TBC1D14: variants seen among roughly 807,000 people sequenced by gnomAD.
TBC1D14 encodes TBC1 domain family, member 14.
TBC1D14 carries 26 observed loss-of-function variants against 79.0 expected under a neutral mutation model. The ratio of observed to expected loss-of-function variants is 0.33; its 90% CI spans 0.24 to 0.46. TBC1D14 has a LOEUF of 0.46. Among genes scored for constraint, TBC1D14 ranks in the 20% least tolerant of loss-of-function variants. The pLI, the probability that TBC1D14 is intolerant of heterozygous loss-of-function variation, is 1.00. For missense variants in TBC1D14, 769 were observed against 887.6 expected, an observed-to-expected ratio of 0.87 and a Z score of 1.70; for synonymous variants, 394 against 349.9, an observed-to-expected ratio of 1.13 and a Z score of -1.40.
chr4:6,945,333 G>A (rs1195894807), intron 2 of TBC1D14, among the ~76,000 whole-genome samples: 1 of 152,106 alleles, frequency 6.6e-6, no homozygotes, highest in Non-Finnish European at 1.5e-5. Context: ...CTGTAAGGCA[G>A]GTGTTTACAG....
chr4:6,991,634 G>T (rs184574499), intron 3 of TBC1D14, among the ~76,000 whole-genome samples: 1 of 152,204 alleles, frequency 6.6e-6, no homozygotes, highest in African/African-American at 2.4e-5. Context: ...GGTACAGCGT[G>T]TCCTTGTGCA....
rs1476010588 is a variant in TBC1D14, at chr4:6,954,300, C to T, written c.723-13004C>T. Reference sequence around the variant, plus strand: ...CTCGGAGCTGCGAGGTCACAGTAGACATGATGGCCATCTCCCCTGCGCTCC... The same window carrying T: ...CTCGGAGCTGCGAGGTCACAGTAGATATGATGGCCATCTCCCCTGCGCTCC... On this transcript the variant is annotated intron_variant, in intron 2 of 13. Transcript: ENST00000409757. The T allele has an allele frequency of 1.5e-5, 11 of 717,416 alleles. No homozygotes were observed. In the Admixed American group the frequency reaches 1.8e-4, roughly 12 times the overall value. The allele number at this position is 717,416 out of a possible 1,614,324, so 44.4% of individuals were successfully genotyped here. A position where few individuals can be genotyped will look rare whatever the true frequency, so the allele number is the denominator to read the frequency against.
rs768047601 is a variant in TBC1D14 at position 7,014,401 on chromosome 4, A to G, written c.1648-47A>G. The G allele has an allele frequency of 1.7e-5, 22 of 1,325,372 alleles. No individual in the cohort carries two copies. The Admixed American group carries it at 3.7e-4, about 22-fold the overall frequency. The allele number at this position is 1,325,372 out of a possible 1,614,324, so 82.1% of individuals were successfully genotyped here. A position where few individuals can be genotyped will look rare whatever the true frequency, so the allele number is the denominator to read the frequency against. ...ATATATTGACTTTTTTGTAAATTGA[A>G]AACTTGTGCAGATAGTTTCTGAGTA... On this transcript the variant is annotated intron_variant, in intron 11 of 13. Coordinates refer to ENST00000409757, the MANE Select transcript of TBC1D14 (RefSeq NM_020773.3).
chr4:6,976,338 CAAAAT>C (rs1204308950), intron 3 of TBC1D14, among the ~76,000 whole-genome samples: 2 of 151,938 alleles, frequency 1.3e-5, no homozygotes, highest in African/African-American at 4.8e-5. Flanking sequence ...GGCCGCCAAA[CAAAAT>C]AAACTCTAAA....
At chr4:7,021,366 G>A (rs1013126224) in intron 12 of TBC1D14, among the ~76,000 whole-genome samples, 5 of 152,224 alleles carry the variant, frequency 3.3e-5, no homozygotes, top group African/African-American at 9.6e-5. Context: ...GAGAGGCTGA[G>A]GTGACAGGAT....
At chr4:6,918,347 G>C (rs1389199780) in intron 1 of TBC1D14, among the ~76,000 whole-genome samples, 1 of 152,168 alleles carries the variant, frequency 6.6e-6, no homozygotes, top group African/African-American at 2.4e-5. Flanking sequence ...AGTTTTTTGT[G>C]TTCCTGTTTA....
At chr4:7,007,036 C>G (rs1224384769) in intron 9 of TBC1D14, among the ~76,000 whole-genome samples, 1 of 152,152 alleles carries the variant, frequency 6.6e-6, no homozygotes, top group Non-Finnish European at 1.5e-5. Flanking sequence ...TCTGCTGGCG[C>G]TTTCTTGGAC....
intron 3 of TBC1D14, among the ~76,000 whole-genome samples, chr4:6,968,449 C>T (rs146714250): frequency 6.6e-6 from 1 of 152,312 alleles, no homozygotes; most frequent in African/African-American, 2.4e-5. Flanking sequence ...TCGCAACAAC[C>T]TTGTGAAGAA....
At chr4:6,909,809 G>C (rs1293194885), upstream of TBC1D14, 3 of 148,526 alleles carry the variant, frequency 2.0e-5, no homozygotes, top group Admixed American at 2.0e-4. Context: ...GCTGTTCGCC[G>C]CGGGCTGCTC....
chr4:6,982,346 C>A (rs1045843198), intron 3 of TBC1D14, among the ~76,000 whole-genome samples: 1 of 152,102 alleles, frequency 6.6e-6, no homozygotes, highest in Admixed American at 6.5e-5. Flanking sequence ...AAGTCAGTCT[C>A]GAAAGTTTGC....
At chr4:7,018,637 A>G (rs926628814) in intron 12 of TBC1D14, among the ~76,000 whole-genome samples, 1 of 152,182 alleles carries the variant, frequency 6.6e-6, no homozygotes, top group African/African-American at 2.4e-5. Context: ...CCAGTGGCTC[A>G]TGAGGAGTCA....
intron 5 of TBC1D14, chr4:6,997,197 A>G (rs1719147749): frequency 1.3e-5 from 2 of 152,332 alleles, no homozygotes; most frequent in African/African-American, 4.8e-5. Flanking sequence ...CAGTCAGGGT[A>G]TGTGAGTAGC....
Position 6,924,250 on chromosome 4 carries a change from G to A in TBC1D14, c.722+139G>A, listed in dbSNP as rs552974135. 91 of 1,135,488 alleles carry A rather than the reference G, an allele frequency of 8.0e-5. No homozygotes were observed. In the African/African-American group the frequency reaches 1.5e-3, roughly 18 times the overall value. 70.3% of individuals were successfully genotyped at this position (1,135,488 alleles called of 1,614,324 possible). ...ACACAGATAATTGGGTCTTTTCCCA[G>A]AAGCCCGGAATCCTGTGGGATTGTG... On this transcript the variant is annotated intron_variant, in intron 2 of 13. Transcript: ENST00000409757.
At chr4:7,010,439 G>A (rs1720635768) in intron 10 of TBC1D14, among the ~76,000 whole-genome samples, 1 of 151,958 alleles carries the variant, frequency 6.6e-6, no homozygotes, top group Admixed American at 6.6e-5. Flanking sequence ...GGTGGGAGCA[G>A]GGGTGGGAAC....
At chr4:6,915,658 A>C (rs909612954) in intron 1 of TBC1D14, among the ~76,000 whole-genome samples, 8 of 152,132 alleles carry the variant, frequency 5.3e-5, no homozygotes, top group African/African-American at 1.9e-4. Context: ...TTTAGAGTTC[A>C]GGACGGTACC....
rs1724033987 is a variant in TBC1D14, at chr4:6,923,581, G to A, written c.192G>A (p.Val64=). ...AAGACCGGCACAGCCTCCAGTCCGT[G>A]GACTCGGGGATTCCTACCCTGGAGA... ...ALEDRHSLQS[V]DSGIPTLEIG... is the part of the protein sequence containing the mutation. The change falls in exon 2 of 14, where the codon GTG becomes GTA. Residue 64 remains valine (V), a synonymous_variant. Transcript: ENST00000409757. 3 of 1,614,074 alleles carry A rather than the reference G, an allele frequency of 1.9e-6. No individual in the cohort carries two copies. The highest frequency in any genetic ancestry group is 2.5e-6 in the Non-Finnish European group (3 of 1,180,000).
At chr4:6,980,280 G>A (rs990518233) in intron 3 of TBC1D14, among the ~76,000 whole-genome samples, 1 of 152,198 alleles carries the variant, frequency 6.6e-6, no homozygotes, top group African/African-American at 2.4e-5. Flanking sequence ...CATTAAACAA[G>A]TAGCATACTT....
chr4:6,913,907 T>G (rs1202474889), intron 1 of TBC1D14, among the ~76,000 whole-genome samples: 1 of 152,016 alleles, frequency 6.6e-6, no homozygotes, highest in African/African-American at 2.4e-5. Context: ...GGAGGGTGGA[T>G]CACTTGAGCT....
intron 11 of TBC1D14, among the ~76,000 whole-genome samples, chr4:7,013,611 G>C (rs1218468777): frequency 6.6e-6 from 1 of 152,204 alleles, no homozygotes; most frequent in African/African-American, 2.4e-5. Context: ...TTTCCCTGTA[G>C]TGTTTCCCCC....
Sources: allele counts gnomAD v4.1 joint callset (sites outside exome capture counted in the v4.1 genomes callset), GRCh38; gene constraint gnomAD v4.1.1; transcripts MANE v1.5; gene names NCBI Gene and HGNC (gene_info 2026-07-23, HGNC 2026-07-21).